MPPED2: variants seen among roughly 807,000 people sequenced by gnomAD.
The protein encoded by MPPED2 is metallophosphoesterase MPPED2.
Under a neutral mutation model 33.0 loss-of-function variants are expected in MPPED2, and 5 were observed. The observed-to-expected ratio is 0.15, with a 90% CI of 0.08 to 0.32. The LOEUF (loss-of-function observed/expected upper bound fraction) is 0.32, where lower values mean the gene tolerates loss of function less well. Ranked by LOEUF, MPPED2 falls within the 10% of genes least tolerant of loss-of-function variation. The pLI, the probability that MPPED2 is intolerant of heterozygous loss-of-function variation, is 1.00. For synonymous variants in MPPED2, 136 were observed against 141.9 expected (o/e 0.96, Z 0.29); for missense variants, 275 against 372.1 (o/e 0.74, Z 2.15).
At chr11:30,470,021 G>A (rs1950881045) in intron 4 of MPPED2, among the ~76,000 whole-genome samples, 3 of 152,182 alleles carry the variant, frequency 2.0e-5, no homozygotes, top group South Asian at 2.1e-4. Context: ...ACTTCAACTT[G>A]TGAGTGGTTG....
intron 6 of MPPED2, among the ~76,000 whole-genome samples, chr11:30,413,638 G>A (rs758443863): frequency 9.2e-5 from 14 of 152,160 alleles, no homozygotes; most frequent in Non-Finnish European, 2.1e-4. Flanking sequence ...TAATAGCTCC[G>A]ATGATTTCTG....
At chr11:30,429,889 G>A (rs1949004160) in intron 4 of MPPED2, among the ~76,000 whole-genome samples, 1 of 152,144 alleles carries the variant, frequency 6.6e-6, no homozygotes, top group African/African-American at 2.4e-5. Context: ...TAACTTGCTT[G>A]TGTGTGTCTT....
intron 4 of MPPED2, among the ~76,000 whole-genome samples, chr11:30,458,454 G>A (rs1479593404): frequency 1.3e-5 from 2 of 152,160 alleles, no homozygotes; most frequent in African/African-American, 4.8e-5. Flanking sequence ...AGATAATGAA[G>A]GGAAAATATT....
intron 2 of MPPED2, among the ~76,000 whole-genome samples, chr11:30,564,561 G>C (rs1196654585): frequency 6.6e-6 from 1 of 152,184 alleles, no homozygotes; most frequent in East Asian, 1.9e-4. Context: ...TGCACAGAGA[G>C]TAAGAGGGAG....
intron 6 of MPPED2, among the ~76,000 whole-genome samples, chr11:30,413,238 T>C (rs1025340522): frequency 1.3e-5 from 2 of 152,240 alleles, no homozygotes; most frequent in African/African-American, 4.8e-5. Flanking sequence ...ACTTTGTTTT[T>C]TGCTTCCTCA....
intron 2 of MPPED2, among the ~76,000 whole-genome samples, chr11:30,550,160 C>T (rs573557845): frequency 1.9e-4 from 29 of 152,242 alleles, no homozygotes; most frequent in Admixed American, 3.3e-4. Context: ...GGCGCTGTTC[C>T]GTGGAGGCAA....
chr11:30,484,747 T>A (rs919876737), intron 4 of MPPED2, among the ~76,000 whole-genome samples: 2 of 152,208 alleles, frequency 1.3e-5, no homozygotes, highest in Non-Finnish European at 2.9e-5. Context: ...CAGCGGAATA[T>A]GGGGTTCCTT....
chr11:30,537,059 A>C (rs764655697), intron 2 of MPPED2, among the ~76,000 whole-genome samples: 26 of 152,236 alleles, frequency 1.7e-4, no homozygotes, highest in Non-Finnish European at 3.2e-4. Flanking sequence ...CAAAGCAAAG[A>C]AAATGAAACA....
At chr11:30,459,831 A>T in intron 4 of MPPED2, among the ~76,000 whole-genome samples, 1 of 152,216 alleles carries the variant, frequency 6.6e-6, no homozygotes, top group East Asian at 1.9e-4. Flanking sequence ...TGTGTATTGT[A>T]GTTAATTAGC....
At chr11:30,504,903 G>T in intron 3 of MPPED2, 2 of 871,786 alleles carry the variant, frequency 2.3e-6, no homozygotes, top group Non-Finnish European at 3.3e-6. Context: ...CCAGGAGAAG[G>T]CAGGGGATGC....
chr11:30,455,980 AGCTT>A (rs766501868), intron 4 of MPPED2, among the ~76,000 whole-genome samples: 1 of 152,242 alleles, frequency 6.6e-6, no homozygotes, highest in Non-Finnish European at 1.5e-5. Context: ...GTTTCATCAC[AGCTT>A]GCATTCAAAA....
chr11:30,573,397 C>T (rs1291313615), intron 2 of MPPED2, among the ~76,000 whole-genome samples: 2 of 152,118 alleles, frequency 1.3e-5, no homozygotes, highest in East Asian at 3.9e-4. Context: ...CTGTATTATA[C>T]TTTAGTTGTT....
Position 30,485,881 on chromosome 11 carries a change from CA to C in MPPED2, c.536+9414del, listed in dbSNP as rs1336577231. 1.3e-5 allele frequency among the ~76,000 whole-genome samples: 2 copies of C among 152,094 alleles called. 1 individual carries two copies. The highest frequency in any genetic ancestry group is 2.9e-5 in the Non-Finnish European group (2 of 68,014). On this transcript the variant is annotated intron_variant, in intron 4 of 6. Transcript: ENST00000358117. ...TGCTCTCACAAAACAGCCTAGAAGGCAGGGGGCTTCTCCTGTATGAAGCACA... is the reference window on the plus strand; with the variant it reads ...TGCTCTCACAAAACAGCCTAGAAGGCGGGGGCTTCTCCTGTATGAAGCACA...
At chr11:30,387,348 C>T (rs543360685) in exon 7 of MPPED2, 1 of 152,276 alleles carries the variant, frequency 6.6e-6, no homozygotes, top group African/African-American at 2.4e-5. Context: ...TTCTTTGAAA[C>T]ATTCATTATG....
intron 3 of MPPED2, chr11:30,504,768 C>T: frequency 7.8e-7 from 1 of 1,288,948 alleles, no homozygotes; most frequent in Non-Finnish European, 1.0e-6. Flanking sequence ...CAGGTTCAGA[C>T]TGCTACCTTC....
At chr11:30,408,595 C>A (rs543696655), downstream of MPPED2, among the ~76,000 whole-genome samples, 22 of 152,306 alleles carry the variant, frequency 1.4e-4, no homozygotes, top group South Asian at 4.3e-3. Flanking sequence ...CAGGTGTGAG[C>A]CACCGTGCCT....
rs145459218 is a variant in MPPED2 at position 30,403,756 on chromosome 11, G to T, written c.766+10472C>A. 4.3e-3 allele frequency among the ~76,000 whole-genome samples: 659 copies of T among 152,186 alleles called. 6 individuals carry two copies. The highest frequency in any genetic ancestry group is 0.015 in the African/African-American group (621 of 41,520). On this transcript the variant is annotated intron_variant, in intron 6 of 6. Coordinates refer to the MPPED2 transcript ENST00000448418. ...GATGCCATACTTCGGCTTCTCTCAA[G>T]GAATTTTCAGCTGGTAAGAATTACC...
In MPPED2 at chr11:30,388,952, G is replaced by A. The variant is rs1947735585; in HGVS notation, c.771C>T (p.Asn257=). 7 of 1,561,134 alleles carry A rather than the reference G, an allele frequency of 4.5e-6. No individual in the cohort carries two copies. In the East Asian group the frequency reaches 7.1e-5, roughly 16 times the overall value. The change falls in exon 7 of 7, where the codon AAC becomes AAT. Residue 257 remains asparagine, a synonymous_variant. Coordinates refer to the MPPED2 transcript ENST00000448418. ...TCAGTGCCTTGGAGATGCTCACAGG[G>A]TTTACTAAAGGGGAGAGAGAGAAAG... is the stretch of plus-strand genomic sequence containing the variant.
intron 2 of MPPED2, among the ~76,000 whole-genome samples, chr11:30,575,619 C>T (rs541623366): frequency 3.9e-5 from 6 of 152,274 alleles, no homozygotes; most frequent in African/African-American, 1.2e-4. Context: ...TTACAGATAG[C>T]GCTTGATGTT....
Sources: gnomAD v4.1 joint callset for allele counts (sites outside exome capture counted in the v4.1 genomes callset) on GRCh38, gnomAD v4.1.1 for gene constraint, MANE v1.5 for transcripts, NCBI Gene and HGNC (gene_info 2026-07-23, HGNC 2026-07-21) for gene names.